The following ZBTB7C variants were observed in gnomAD, a reference collection of about 807,000 sequenced individuals.
ZBTB7C encodes zinc finger and BTB domain containing 7C, also known as zinc finger and BTB domain-containing protein 7C.
In ZBTB7C, 8 loss-of-function variants were observed where a neutral mutation model predicts 25.7. The observed-to-expected ratio is 0.31, with a 90% CI of 0.18 to 0.56. The LOEUF (loss-of-function observed/expected upper bound fraction) is 0.56. Ranked by LOEUF, ZBTB7C falls within the 20% of genes least tolerant of loss-of-function variation. The pLI is 0.91. For missense variants in ZBTB7C, 824 were observed against 855.2 expected (o/e 0.96, Z 0.46); for synonymous variants, 394 against 369.0 (o/e 1.07, Z -0.78).
At chr18:48,327,021 C>A (rs2046235591) in intron 2 of ZBTB7C, among the ~76,000 whole-genome samples, 2 of 152,218 alleles carry the variant, frequency 1.3e-5, no homozygotes, top group South Asian at 4.1e-4. Flanking sequence ...TGCCTGGGTT[C>A]CCACCCTCAC....
intron 4 of ZBTB7C, among the ~76,000 whole-genome samples, chr18:48,030,852 T>C (rs67927311): frequency 0.48 from 73,421 of 152,020 alleles, 18,118 homozygotes; most frequent in African/African-American, 0.55. Context: ...GGAAAACTGA[T>C]ATCAGGGGGT....
intron 3 of ZBTB7C, among the ~76,000 whole-genome samples, chr18:48,095,379 G>A (rs2038579833): frequency 6.6e-6 from 1 of 152,174 alleles, no homozygotes; most frequent in African/African-American, 2.4e-5. Flanking sequence ...GGAGAGCCCT[G>A]GAGCAGGGTT....
At chr18:48,073,304 T>C (rs1336692912) in intron 3 of ZBTB7C, among the ~76,000 whole-genome samples, 1 of 151,998 alleles carries the variant, frequency 6.6e-6, no homozygotes, top group African/African-American at 2.4e-5. Flanking sequence ...CACAGAGACA[T>C]AAAGGGCTAC....
Position 48,040,619 on chromosome 18 carries a change from A to C in ZBTB7C, c.489T>G (p.Asp163Glu). 3 of 1,613,166 alleles carry C rather than the reference A, an allele frequency of 1.9e-6. No individual in the cohort carries two copies. The highest frequency in any genetic ancestry group is 1.1e-5 in the South Asian group (1 of 90,972). ...DEEEEEEEEE[D>E]DDDDTEDFAD... is the part of the protein sequence containing the mutation. The stretch of plus-strand genomic sequence containing the variant: ...CAAAGTCCTCCGTGTCATCATCGTC[A>C]TCCTCCTCCTCTTCCTCCTCCTCCT... Residue 163 changes from aspartate to glutamate, a missense_variant, in exon 4 of 5, where the codon GAT (aspartate) becomes GAG (glutamate). Asp to Glu is a conservative substitution (Grantham distance 45). Coordinates refer to ENST00000590800, the MANE Select transcript of ZBTB7C (RefSeq NM_001318841.2).
At chr18:48,361,568 C>T (rs1198855199) in intron 1 of ZBTB7C, among the ~76,000 whole-genome samples, 1 of 152,226 alleles carries the variant, frequency 6.6e-6, no homozygotes, top group African/African-American at 2.4e-5. Flanking sequence ...CTCCTAGGTA[C>T]ATATGCTGCT....
intron 3 of ZBTB7C, among the ~76,000 whole-genome samples, chr18:48,093,623 A>AAC (rs1417097136): frequency 6.6e-6 from 1 of 151,922 alleles, no homozygotes; most frequent in Non-Finnish European, 1.5e-5. Context: ...AAAAACAAAA[A>AAC]AAACACACAC....
At chr18:48,402,224 T>C (rs9964414) in intron 1 of ZBTB7C, among the ~76,000 whole-genome samples, 2,771 of 151,504 alleles carry the variant, frequency 0.018, 75 homozygotes, top group African/African-American at 0.061. Context: ...GTGATGTGGG[T>C]TCATATTTCT....
At chr18:48,074,561 G>A (rs909709595) in intron 3 of ZBTB7C, among the ~76,000 whole-genome samples, 1 of 152,184 alleles carries the variant, frequency 6.6e-6, no homozygotes, top group Non-Finnish European at 1.5e-5. Context: ...GCCCTGTGTG[G>A]GCAGCTGTGT....
At chr18:48,152,688 T>C (rs1338632966) in intron 3 of ZBTB7C, among the ~76,000 whole-genome samples, 1 of 152,188 alleles carries the variant, frequency 6.6e-6, no homozygotes, top group African/African-American at 2.4e-5. Flanking sequence ...GATAAAGTCT[T>C]GGTGCAGTGA....
intron 3 of ZBTB7C, chr18:48,083,893 T>A (rs1450606803): frequency 1.0e-6 from 1 of 985,308 alleles, no homozygotes; most frequent in African/African-American, 1.7e-5. Flanking sequence ...AGAGCTTCAG[T>A]GGACCCATTT....
intron 3 of ZBTB7C, among the ~76,000 whole-genome samples, chr18:48,068,296 C>G (rs191101173): frequency 4.0e-5 from 6 of 151,780 alleles, no homozygotes; most frequent in African/African-American, 1.5e-4. Flanking sequence ...CCTGCCACCA[C>G]GCCTGGCTAA....
At chr18:48,341,534 C>T (rs867433041) in intron 1 of ZBTB7C, among the ~76,000 whole-genome samples, 2 of 152,202 alleles carry the variant, frequency 1.3e-5, no homozygotes, top group Non-Finnish European at 2.9e-5. Context: ...AGGTCTTATT[C>T]GCCACTGTAG....
At chr18:48,352,213 C>T (rs1275337810) in intron 1 of ZBTB7C, among the ~76,000 whole-genome samples, 1 of 152,172 alleles carries the variant, frequency 6.6e-6, no homozygotes, top group African/African-American at 2.4e-5. Flanking sequence ...CTGGGGGCAG[C>T]ACATGGTACC....
intron 3 of ZBTB7C, among the ~76,000 whole-genome samples, chr18:48,153,904 G>T (rs1388450330): frequency 6.6e-6 from 1 of 152,206 alleles, no homozygotes; most frequent in Non-Finnish European, 1.5e-5. Context: ...GGTTCTGGAA[G>T]CCCCAGGGCC....
intron 2 of ZBTB7C, among the ~76,000 whole-genome samples, chr18:48,268,782 T>C (rs2044386831): frequency 6.6e-6 from 1 of 152,170 alleles, no homozygotes; most frequent in Non-Finnish European, 1.5e-5. Context: ...GATATATCTA[T>C]CTATGCATCT....
intron 3 of ZBTB7C, chr18:48,137,423 CT>C (rs200970931): frequency 3.0e-5 from 16 of 530,184 alleles, no homozygotes; most frequent in Non-Finnish European, 3.8e-5. Context: ...TTTCCCCCCA[CT>C]CTCCTTCTCT....
At chr18:48,336,962 G>C (rs185094200) in intron 2 of ZBTB7C, among the ~76,000 whole-genome samples, 18 of 152,310 alleles carry the variant, frequency 1.2e-4, no homozygotes, top group African/African-American at 3.6e-4. Flanking sequence ...CCTTGCCAGA[G>C]ACCCTGGAGC....
rs370778146 is a variant in ZBTB7C at position 48,156,496 on chromosome 18, G to T, written c.-17+29438C>A. Reference sequence around the variant, plus strand: ...TGAAGGAAAGCACTCGAAAAGTAAAGTGGGATACACACAAAACTGATCATT... The same window carrying T: ...TGAAGGAAAGCACTCGAAAAGTAAATTGGGATACACACAAAACTGATCATT... On this transcript the variant is annotated intron_variant, in intron 3 of 4. Coordinates refer to ENST00000590800, the MANE Select transcript of ZBTB7C (RefSeq NM_001318841.2). 2.3e-3 allele frequency among the ~76,000 whole-genome samples: 346 copies of T among 152,320 alleles called. 1 individual carries two copies. The highest frequency in any genetic ancestry group is 4.0e-3 in the Non-Finnish European group (270 of 68,032).
intron 3 of ZBTB7C, among the ~76,000 whole-genome samples, chr18:48,099,540 C>A (rs2038756706): frequency 6.6e-6 from 1 of 152,192 alleles, no homozygotes; most frequent in African/African-American, 2.4e-5. Context: ...TCATGCATAC[C>A]TTTGGAACCT....
Sources: gnomAD v4.1 joint callset for allele counts (sites outside exome capture counted in the v4.1 genomes callset) on GRCh38, gnomAD v4.1.1 for gene constraint, MANE v1.5 for transcripts, NCBI Gene and HGNC (gene_info 2026-07-23, HGNC 2026-07-21) for gene names.